The following ZFAND3 variants were observed in gnomAD, a reference collection of about 807,000 sequenced individuals.
ZFAND3 encodes AN1-type zinc finger protein 3.
In ZFAND3, 10 loss-of-function variants were observed where a neutral mutation model predicts 29.6. The observed-to-expected ratio is 0.34, with a 90% CI of 0.21 to 0.57. The LOEUF (loss-of-function observed/expected upper bound fraction) is 0.57, where lower values mean the gene tolerates loss of function less well. Among genes scored for constraint, ZFAND3 ranks in the 20% least tolerant of loss-of-function variants. The pLI is 0.86. For synonymous variants in ZFAND3, 128 were observed against 112.6 expected, an observed-to-expected ratio of 1.14 and a Z score of -0.87; for missense variants, 230 against 304.5, an observed-to-expected ratio of 0.76 and a Z score of 1.82.
At chr6:37,847,259 C>T (rs1299192553) in intron 1 of ZFAND3, among the ~76,000 whole-genome samples, 1 of 151,912 alleles carries the variant, frequency 6.6e-6, no homozygotes, top group Non-Finnish European at 1.5e-5. Context: ...GTTATTTGCT[C>T]AAGTTAACAA....
intron 2 of ZFAND3, among the ~76,000 whole-genome samples, chr6:38,041,514 A>G (rs184920641): frequency 6.6e-6 from 1 of 151,760 alleles, no homozygotes; most frequent in East Asian, 1.9e-4. Context: ...GCTATCCATT[A>G]CTAATTTCTA....
chr6:37,982,130 A>G (rs923607669), intron 2 of ZFAND3, among the ~76,000 whole-genome samples: 31 of 152,014 alleles, frequency 2.0e-4, no homozygotes, highest in African/African-American at 7.5e-4. Flanking sequence ...CAGAGGGACA[A>G]CTTTGAGTTC....
intron 1 of ZFAND3, among the ~76,000 whole-genome samples, chr6:37,874,558 C>CCAG (rs536428114): frequency 8.7e-4 from 132 of 150,990 alleles, no homozygotes; most frequent in African/African-American, 2.8e-3. Flanking sequence ...TACAAGGACA[C>CCAG]CAGTCATATT....
chr6:38,114,635 T>C (rs2127483745), intron 4 of ZFAND3, among the ~76,000 whole-genome samples: 1 of 152,244 alleles, frequency 6.6e-6, no homozygotes, highest in South Asian at 2.1e-4. Flanking sequence ...GCTGGGGGAC[T>C]ATGAGCAAAC....
At chr6:37,880,900 T>C (rs1000271568) in intron 1 of ZFAND3, among the ~76,000 whole-genome samples, 2 of 148,346 alleles carry the variant, frequency 1.3e-5, no homozygotes, top group African/African-American at 4.9e-5. Flanking sequence ...TTGGGAGATA[T>C]ACCTAATGAT....
intron 1 of ZFAND3, among the ~76,000 whole-genome samples, chr6:37,900,534 G>A (rs929833888): frequency 1.3e-5 from 2 of 152,158 alleles, no homozygotes; most frequent in Non-Finnish European, 2.9e-5. Flanking sequence ...AGTTTTCTAA[G>A]TAGAGTGCAC....
intron 2 of ZFAND3, among the ~76,000 whole-genome samples, chr6:38,036,944 T>A (rs1227084744): frequency 2.0e-5 from 3 of 152,190 alleles, no homozygotes; most frequent in Non-Finnish European, 4.4e-5. Flanking sequence ...GTAAACCATC[T>A]GAAGAGATAT....
intron 4 of ZFAND3, among the ~76,000 whole-genome samples, chr6:38,104,562 G>A (rs1331102647): frequency 6.6e-6 from 1 of 152,080 alleles, no homozygotes; most frequent in East Asian, 1.9e-4. Flanking sequence ...CTGGTGGAAT[G>A]ATGTTGTACA....
chr6:38,136,878 A>G (rs933852876), intron 5 of ZFAND3, among the ~76,000 whole-genome samples: 4 of 152,224 alleles, frequency 2.6e-5, no homozygotes, highest in Non-Finnish European at 5.9e-5. Context: ...CATATGTTCT[A>G]GATTCACCCA....
intron 4 of ZFAND3, among the ~76,000 whole-genome samples, chr6:38,115,197 A>G (rs1336802586): frequency 6.6e-6 from 1 of 152,218 alleles, no homozygotes; most frequent in African/African-American, 2.4e-5. Flanking sequence ...GGCCTGGGTG[A>G]TAAAAGAGAT....
At chr6:37,981,356 A>T (rs1439426864) in intron 2 of ZFAND3, among the ~76,000 whole-genome samples, 3 of 152,242 alleles carry the variant, frequency 2.0e-5, no homozygotes, top group Admixed American at 6.5e-5. Context: ...GACAGCTGTT[A>T]TCTTTGTTTC....
intron 1 of ZFAND3, among the ~76,000 whole-genome samples, chr6:37,844,175 C>T (rs1283715158): frequency 6.6e-6 from 1 of 151,904 alleles, no homozygotes; most frequent in African/African-American, 2.4e-5. Flanking sequence ...CTGCCCGCCT[C>T]GACCTCCTAA....
chr6:38,030,935 A>G (rs1763547538), intron 2 of ZFAND3, among the ~76,000 whole-genome samples: 1 of 152,216 alleles, frequency 6.6e-6, no homozygotes, highest in African/African-American at 2.4e-5. Context: ...ATGCAAAACC[A>G]CAATGGATGG....
chr6:38,082,382 C>T lies in ZFAND3; in HGVS notation c.296-10C>T. 6.2e-7 allele frequency: 1 copy of T among 1,610,582 alleles called. No individual in the cohort carries two copies. The highest frequency in any genetic ancestry group is 8.5e-7 in the Non-Finnish European group (1 of 1,178,256). ...TGTCCTGACTGATGCACCTGCCTTTCTGTTTCTAGGTGGGCCATGCACAGA... is the reference window on the plus strand; with the variant it reads ...TGTCCTGACTGATGCACCTGCCTTTTTGTTTCTAGGTGGGCCATGCACAGA... On this transcript the variant is annotated splice_polypyrimidine_tract_variant and intron_variant, in intron 3 of 5. Transcript: ENST00000287218.
chr6:37,907,161 C>T (rs1354281337), intron 1 of ZFAND3, among the ~76,000 whole-genome samples: 1 of 151,942 alleles, frequency 6.6e-6, no homozygotes, highest in East Asian at 1.9e-4. Flanking sequence ...CAGATTTATT[C>T]CTTTCCAAAA....
intron 2 of ZFAND3, among the ~76,000 whole-genome samples, chr6:37,939,697 A>G (rs1270997382): frequency 6.6e-6 from 1 of 152,196 alleles, no homozygotes; most frequent in Non-Finnish European, 1.5e-5. Flanking sequence ...GGTTGGATAC[A>G]GTTGGCCTCT....
intron 5 of ZFAND3, among the ~76,000 whole-genome samples, chr6:38,144,229 A>ATTTTTTTT: frequency 8.6e-6 from 1 of 116,928 alleles, no homozygotes; most frequent in South Asian, 2.7e-4. Flanking sequence ...ATATATATAT[A>ATTTTTTTT]TATTTTTTTT....
chr6:38,082,750 C>T (rs1340669468), intron 4 of ZFAND3, among the ~76,000 whole-genome samples: 1 of 152,118 alleles, frequency 6.6e-6, no homozygotes, highest in South Asian at 2.1e-4. Context: ...AGATCATTGC[C>T]CAGTTTGTAG....
chr6:38,054,518 GA>G (rs976963209), intron 2 of ZFAND3, among the ~76,000 whole-genome samples: 1 of 151,352 alleles, frequency 6.6e-6, no homozygotes, highest in Non-Finnish European at 1.5e-5. Context: ...TTTTGAAAGA[GA>G]AAAAAATAAT....
Sources: allele counts gnomAD v4.1 joint callset (sites outside exome capture counted in the v4.1 genomes callset), GRCh38; gene constraint gnomAD v4.1.1; transcripts MANE v1.5; gene names NCBI Gene and HGNC (gene_info 2026-07-23, HGNC 2026-07-21).